STK3: variants seen among roughly 807,000 people sequenced by gnomAD.
The protein encoded by STK3 is serine/threonine-protein kinase 3.
A neutral mutation model predicts 58.0 loss-of-function variants in STK3; 41 were observed. That is an observed-to-expected ratio of 0.71 (90% CI 0.55 to 0.92). The LOEUF is 0.92. Ranked by LOEUF, STK3 falls within the 40% of genes least tolerant of loss-of-function variation. The pLI, the probability that STK3 is intolerant of heterozygous loss-of-function variation, is 0.00. For synonymous variants in STK3, 170 were observed against 191.0 expected, an observed-to-expected ratio of 0.89 and a Z score of 0.91; for missense variants, 479 against 602.7, an observed-to-expected ratio of 0.79 and a Z score of 2.15.
intron 6 of STK3, among the ~76,000 whole-genome samples, chr8:98,610,283 T>C (rs1817091361): frequency 6.6e-6 from 1 of 152,092 alleles, no homozygotes; most frequent in South Asian, 2.1e-4. Context: ...AATTTGACCA[T>C]AAGATTAGGG....
At chr8:98,604,602 T>C (rs543531734) in intron 6 of STK3, among the ~76,000 whole-genome samples, 17 of 152,322 alleles carry the variant, frequency 1.1e-4, no homozygotes, top group Admixed American at 8.5e-4. Context: ...GACTTCTGCC[T>C]GGACATTCAG....
chr8:98,916,978 G>C (rs137924881), intron 1 of STK3, among the ~76,000 whole-genome samples: 11 of 152,310 alleles, frequency 7.2e-5, no homozygotes, highest in African/African-American at 2.6e-4. Context: ...TGGAGGAGGA[G>C]CATCTGTTCT....
intron 3 of STK3, among the ~76,000 whole-genome samples, chr8:98,831,192 C>A (rs1029301709): frequency 6.6e-6 from 1 of 152,248 alleles, no homozygotes; most frequent in African/African-American, 2.4e-5. Flanking sequence ...AATACGTACA[C>A]CACCATGTTT....
chr8:98,710,878 G>A (rs528200823), intron 4 of STK3, among the ~76,000 whole-genome samples: 1 of 152,332 alleles, frequency 6.6e-6, no homozygotes, highest in East Asian at 1.9e-4. Context: ...GCCTAACTGG[G>A]AGGCAGCCCC....
intron 10 of STK3, among the ~76,000 whole-genome samples, chr8:98,522,767 T>C (rs558201842): frequency 3.9e-5 from 6 of 152,284 alleles, no homozygotes; most frequent in African/African-American, 1.2e-4. Flanking sequence ...TTGACTATTA[T>C]AGGTAACTCA....
chr8:98,925,477 C>G (rs894430971), intron 1 of STK3, among the ~76,000 whole-genome samples: 3 of 152,206 alleles, frequency 2.0e-5, no homozygotes, highest in African/African-American at 4.8e-5. Context: ...CTGTATGCCT[C>G]ACTCACTCAT....
intron 1 of STK3, among the ~76,000 whole-genome samples, chr8:98,924,356 T>A (rs1839703697): frequency 6.6e-6 from 1 of 152,246 alleles, no homozygotes; most frequent in East Asian, 1.9e-4. Context: ...AAAGGCTTTA[T>A]GTACACAGGA....
At chr8:98,460,319 G>T (rs1220457371) in intron 10 of STK3, among the ~76,000 whole-genome samples, 2 of 152,190 alleles carry the variant, frequency 1.3e-5, no homozygotes, top group Non-Finnish European at 2.9e-5. Context: ...CTCCCATTTG[G>T]AATAAGAGCA....
chr8:98,417,516 A>AAAAT (rs57825054), intron 3 of STK3, among the ~76,000 whole-genome samples: 132,670 of 150,146 alleles, frequency 0.88, 59,076 homozygotes, highest in Admixed American at 0.94. Context: ...TCTGTCTCAA[A>AAAAT]AAATAAATAA....
At chr8:98,401,913 C>A (rs537721658) in intron 3 of STK3, among the ~76,000 whole-genome samples, 1 of 151,830 alleles carries the variant, frequency 6.6e-6, no homozygotes, top group Non-Finnish European at 1.5e-5. Flanking sequence ...TATTCTTGTG[C>A]GCATGCATTG....
At chr8:98,836,860 CT>C (rs1309239971) in intron 3 of STK3, among the ~76,000 whole-genome samples, 3 of 152,066 alleles carry the variant, frequency 2.0e-5, no homozygotes, top group African/African-American at 7.2e-5. Flanking sequence ...GCTTAAAGAG[CT>C]TTTGTTTATG....
upstream of STK3, among the ~76,000 whole-genome samples, chr8:98,827,853 C>T (rs1835371957): frequency 6.6e-6 from 1 of 152,088 alleles, no homozygotes; most frequent in Non-Finnish European, 1.5e-5. Context: ...CACAGTCTGA[C>T]TGTTCAGAAA....
chr8:98,584,911 C>G (rs2131762180), intron 7 of STK3, among the ~76,000 whole-genome samples: 1 of 151,742 alleles, frequency 6.6e-6, no homozygotes, highest in South Asian at 2.1e-4. Context: ...TGAGAAGTGT[C>G]TGTTCATGTC....
chr8:98,587,366 A>T (rs919666309), intron 7 of STK3, among the ~76,000 whole-genome samples: 2 of 152,034 alleles, frequency 1.3e-5, no homozygotes, highest in Non-Finnish European at 2.9e-5. Flanking sequence ...CCCAGTAGTC[A>T]TTCAGGAGCA....
chr8:98,895,977 C>T (rs952223209), intron 1 of STK3, among the ~76,000 whole-genome samples: 1 of 152,032 alleles, frequency 6.6e-6, no homozygotes, highest in African/African-American at 2.4e-5. Flanking sequence ...AAATTTATAG[C>T]CTAGATGATA....
At position 98,653,774 on chromosome 8, in the gene STK3, C is replaced by T. The variant is rs529050427; in HGVS notation, c.684+52693G>A. On this transcript the variant is annotated intron_variant, in intron 6 of 10. Coordinates refer to ENST00000419617, the MANE Select transcript of STK3 (RefSeq NM_006281.4). The stretch of plus-strand genomic sequence containing the variant: ...CCTCGACACATACACCCTCCCAAGA[C>T]TAAACCAGGAAGAAGTTGAATCTCT... 5.9e-3 allele frequency among the ~76,000 whole-genome samples: 902 copies of T among 152,258 alleles called. 8 individuals are homozygous for T. The highest frequency in any genetic ancestry group is 0.034 in the Middle Eastern group (10 of 294).
chr8:98,525,557 TA>T (rs1563700751), intron 10 of STK3, among the ~76,000 whole-genome samples: 1 of 152,124 alleles, frequency 6.6e-6, no homozygotes, highest in African/African-American at 2.4e-5. Flanking sequence ...TTTATAATTT[TA>T]AAAAAGTAGA....
chr8:98,495,849 A>C (rs144091686), intron 10 of STK3, among the ~76,000 whole-genome samples: 240 of 152,306 alleles, frequency 1.6e-3, no homozygotes, highest in Non-Finnish European at 2.7e-3. Context: ...TTCATACTAC[A>C]CAATAATTTT....
chr8:98,699,227 A>T (rs1485959140), intron 6 of STK3, among the ~76,000 whole-genome samples: 1 of 151,936 alleles, frequency 6.6e-6, no homozygotes, highest in African/African-American at 2.4e-5. Flanking sequence ...TCCTTTAAGC[A>T]CTTCTCTGTA....
Sources: allele counts gnomAD v4.1 joint callset (sites outside exome capture counted in the v4.1 genomes callset), GRCh38; gene constraint gnomAD v4.1.1; transcripts MANE v1.5; gene names NCBI Gene and HGNC (gene_info 2026-07-23, HGNC 2026-07-21).